Variants in MOK observed in about 807,000 individuals in gnomAD.
MOK encodes MAPK/MAK/MRK overlapping kinase.
A neutral mutation model predicts 54.2 loss-of-function variants in MOK; 59 were observed. That is an observed-to-expected ratio of 1.09 (90% confidence interval 0.88 to 1.35). The LOEUF is 1.35. MOK is among the 40% of genes most tolerant of loss of function. The pLI is 0.00. For missense variants in MOK, 517 were observed against 526.2 expected (o/e 0.98, Z 0.17); for synonymous variants, 210 against 202.7 (o/e 1.04, Z -0.31).
chr14:102,289,084 T>A (rs1161190301), intron 1 of MOK, among the ~76,000 whole-genome samples: 1 of 152,008 alleles, frequency 6.6e-6, no homozygotes, highest in Non-Finnish European at 1.5e-5. Flanking sequence ...TTTGTATTTT[T>A]TGTAGAGACA....
At chr14:102,286,000 C>T (rs1327960448) in intron 1 of MOK, among the ~76,000 whole-genome samples, 5 of 152,040 alleles carry the variant, frequency 3.3e-5, no homozygotes, top group African/African-American at 1.2e-4. Flanking sequence ...GCTATTAAAT[C>T]TTTAAGATGT....
Position 102,229,194 on chromosome 14 carries a change from C to A in MOK, c.*95G>T. 1 of 1,338,868 alleles carries A rather than the reference C, an allele frequency of 7.5e-7. No homozygotes were observed. The allele number at this position is 1,338,868 out of a possible 1,614,324, so 82.9% of individuals were successfully genotyped here. A position where few individuals can be genotyped will look rare whatever the true frequency, so the allele number is the denominator to read the frequency against. On this transcript the variant is annotated 3_prime_UTR_variant, in exon 12 of 12. Coordinates refer to ENST00000361847, the MANE Select transcript of MOK (RefSeq NM_014226.3). The stretch of plus-strand genomic sequence containing the variant: ...AGCGCGAAACGGACGCAGGCGCATC[C>A]CCAGCCCTCCGTGGCGTCTCAGCAG...
At chr14:102,257,527 C>T (rs2067066352) in intron 4 of MOK, among the ~76,000 whole-genome samples, 1 of 152,132 alleles carries the variant, frequency 6.6e-6, no homozygotes, top group Admixed American at 6.5e-5. Flanking sequence ...TTATTTGCAA[C>T]TAAAAGGGAG....
the MOK span, among the ~76,000 whole-genome samples, chr14:102,217,056 AGG>A: frequency 6.6e-6 from 1 of 152,212 alleles, no homozygotes; most frequent in South Asian, 2.1e-4. Context: ...CACCCCTTCC[AGG>A]GTCAGTGGCC....
In MOK at chr14:102,236,517, A is replaced by T. The variant is rs2065235833; in HGVS notation, c.591-2728T>A. Among the ~76,000 whole-genome samples, 1 of 152,184 alleles carries T rather than the reference A, an allele frequency of 6.6e-6. No homozygotes were observed. Among genetic ancestry groups the T allele is most frequent in the African/African-American group, 2.4e-5 (1 of 41,428 alleles). On this transcript the variant is annotated intron_variant, in intron 7 of 11. Coordinates refer to ENST00000361847, the MANE Select transcript of MOK (RefSeq NM_014226.3). This position sits in a 1 kb window ranked among gnomAD's most constrained non-coding sequence, Gnocchi z 4.5. ...CCTACCCCCATCCTAGGCCAAATTCAAAGCCAAATTCAAATTCAAATTTTG... is the reference window on the plus strand; with the variant it reads ...CCTACCCCCATCCTAGGCCAAATTCTAAGCCAAATTCAAATTCAAATTTTG...
rs575326363 is a variant in MOK at position 102,240,242 on chromosome 14, C to T, written c.591-6453G>A. Among the ~76,000 whole-genome samples the T allele has an allele frequency of 1.4e-4, 22 of 152,240 alleles. No individual in the cohort carries two copies. In the South Asian group the frequency reaches 3.7e-3, roughly 26 times the overall value. On this transcript the variant is annotated intron_variant, in intron 7 of 11. Coordinates refer to ENST00000361847, the MANE Select transcript of MOK (RefSeq NM_014226.3). This position sits in a 1 kb window ranked among gnomAD's most constrained non-coding sequence, Gnocchi z 5.4. ...GCTGACTCTGTTTTCGGACTCAGCC[C>T]GCCTGCACCCAGGTGAAATAAACAG...
At chr14:102,266,039 T>C in intron 2 of MOK, 127 bp from the exon 3 acceptor site, 1 of 674,356 alleles carries the variant, frequency 1.5e-6, no homozygotes. Context: ...TCAGGTTTTA[T>C]TTCTCCCATT....
chr14:102,234,421 T>C (rs899689564), intron 7 of MOK, among the ~76,000 whole-genome samples: 2 of 152,138 alleles, frequency 1.3e-5, no homozygotes, highest in Admixed American at 6.5e-5. Context: ...CCCTGAACTC[T>C]TGACCGTCCA....
Position 102,239,845 on chromosome 14 carries a change from C to T in MOK, c.591-6056G>A, listed in dbSNP as rs192371200. ...GATTGTGCCCTGCACTCCAGCCTGG[C>T]GACAGGGCAGGACTCTGTCTCAAAA... is the stretch of plus-strand genomic sequence containing the variant. On this transcript the variant is annotated intron_variant, in intron 7 of 11. Coordinates refer to ENST00000361847, the MANE Select transcript of MOK (RefSeq NM_014226.3). Among the ~76,000 whole-genome samples, 43 of 152,054 alleles carry T rather than the reference C, an allele frequency of 2.8e-4. 1 individual carries two copies. The highest frequency in any genetic ancestry group is 5.1e-4 in the Non-Finnish European group (35 of 67,990).
At chr14:102,279,037 G>A (rs551076028) in intron 2 of MOK, among the ~76,000 whole-genome samples, 2 of 152,292 alleles carry the variant, frequency 1.3e-5, no homozygotes, top group African/African-American at 2.4e-5. Flanking sequence ...ACAGAGGCAC[G>A]GAGAAATTAG....
chr14:102,285,783 T>C (rs1234884136), intron 1 of MOK, among the ~76,000 whole-genome samples: 4 of 151,942 alleles, frequency 2.6e-5, no homozygotes, highest in African/African-American at 2.4e-5. Context: ...TCCCAGCTAC[T>C]TGGGAGGCTG....
At chr14:102,239,308 C>A (rs982530691) in intron 7 of MOK, among the ~76,000 whole-genome samples, 74 of 150,796 alleles carry the variant, frequency 4.9e-4, no homozygotes, top group African/African-American at 1.8e-3. Context: ...TAGCTCTAGC[C>A]AGCGTCAGAG....
At chr14:102,286,847 T>C (rs2070160451) in intron 1 of MOK, among the ~76,000 whole-genome samples, 2 of 150,420 alleles carry the variant, frequency 1.3e-5, no homozygotes, top group South Asian at 4.2e-4. Context: ...GAAGTGGAGG[T>C]TGCAGTAAGC....
rs1320089334 is a variant in MOK, at chr14:102,249,084, C to T, written c.590+1728G>A. ...ACCACACGGAACACGAGGAACTCAGCCTGGCGTGTGCAGCGACCTTAGCTG... is the reference window on the plus strand; with the variant it reads ...ACCACACGGAACACGAGGAACTCAGTCTGGCGTGTGCAGCGACCTTAGCTG... On this transcript the variant is annotated intron_variant, in intron 7 of 11. Coordinates refer to ENST00000361847, the MANE Select transcript of MOK (RefSeq NM_014226.3). The surrounding 1 kb of genome is among the most constrained non-coding windows in gnomAD (Gnocchi z 5.3). Among the ~76,000 whole-genome samples the T allele has an allele frequency of 2.6e-5, 4 of 152,054 alleles. No individual in the cohort carries two copies. Among genetic ancestry groups the T allele is most frequent in the Non-Finnish European group, 5.9e-5 (4 of 68,010 alleles).
At chr14:102,284,916 T>C (rs996969552) in intron 1 of MOK, among the ~76,000 whole-genome samples, 1 of 151,970 alleles carries the variant, frequency 6.6e-6, no homozygotes, top group African/African-American at 2.4e-5. Context: ...ACCCTGTCTC[T>C]ACTAAAAATA....
At chr14:102,229,404 G>A (rs375352950) in intron 11 of MOK, 38 bp from the exon 12 acceptor site, 13 of 1,613,880 alleles carry the variant, frequency 8.1e-6, no homozygotes, top group African/African-American at 5.3e-5. Context: ...ATTCAGTGGC[G>A]GCCTGGGCTG....
chr14:102,243,641 G>C (rs2065882351), intron 7 of MOK, among the ~76,000 whole-genome samples: 1 of 151,990 alleles, frequency 6.6e-6, no homozygotes, highest in African/African-American at 2.4e-5. Context: ...ACTCTTTGTT[G>C]AGTCTCCCAC....
intron 5 of MOK, 31 bp downstream of exon 5, chr14:102,251,886 T>C: frequency 6.4e-7 from 1 of 1,555,272 alleles, no homozygotes; most frequent in South Asian, 1.1e-5. Flanking sequence ...ATTTTATTAA[T>C]TTCAGAGCTG....
Position 102,229,578 on chromosome 14 carries a change from A to C in MOK, c.1061T>G (p.Leu354Arg). Residue 354 changes from leucine to arginine, a missense_variant, in exon 11 of 12, where the codon CTT becomes CGT. Transcript: ENST00000361847. Reference protein sequence around the residue: ...AYVMELPKLKLSGVVRLSSYS... With the variant: ...AYVMELPKLKRSGVVRLSSYS... Reference sequence around the variant, plus strand: ...AGACGACAGTCTGACCACTCCCGAAAGCTTTAGTTTGGGCAGTTCCATGAC... The same window carrying C: ...AGACGACAGTCTGACCACTCCCGAACGCTTTAGTTTGGGCAGTTCCATGAC... The C allele has an allele frequency of 6.2e-7, 1 of 1,614,160 alleles. No homozygotes were observed. Among genetic ancestry groups the C allele is most frequent in the South Asian group, 1.1e-5 (1 of 91,070 alleles).
Sources: allele counts gnomAD v4.1 joint callset (sites outside exome capture counted in the v4.1 genomes callset), GRCh38; gene constraint gnomAD v4.1.1; non-coding constraint Gnocchi (gnomAD v3.1); transcripts MANE v1.5; gene names NCBI Gene and HGNC (gene_info 2026-07-23, HGNC 2026-07-21).